Variants in NPAS3 observed in about 807,000 individuals in gnomAD.
NPAS3 encodes neuronal PAS domain-containing protein 3.
NPAS3 carries 14 observed loss-of-function variants against 73.1 expected under a neutral mutation model. The observed-to-expected ratio is 0.19, with a 90% CI of 0.13 to 0.30. The LOEUF (loss-of-function observed/expected upper bound fraction) is 0.30. Among genes scored for constraint, NPAS3 ranks in the 10% least tolerant of loss-of-function variants. The pLI is 1.00. For synonymous variants in NPAS3, 620 were observed against 541.5 expected, an observed-to-expected ratio of 1.14 and a Z score of -2.01; for missense variants, 1,096 against 1,250.0, an observed-to-expected ratio of 0.88 and a Z score of 1.86.
intron 3 of NPAS3, among the ~76,000 whole-genome samples, chr14:33,354,009 G>A (rs1288460928): frequency 6.6e-6 from 1 of 152,078 alleles, no homozygotes; most frequent in Non-Finnish European, 1.5e-5. Context: ...AGTTTGTAGA[G>A]TCAAGTTATA....
At chr14:32,986,944 G>A (rs868463103) in intron 1 of NPAS3, among the ~76,000 whole-genome samples, 42 of 152,150 alleles carry the variant, frequency 2.8e-4, no homozygotes, top group African/African-American at 8.2e-4. Context: ...GCTGCCCCGC[G>A]GTGCTGAGAA....
intron 1 of NPAS3, among the ~76,000 whole-genome samples, chr14:32,995,367 C>T (rs1316416971): frequency 6.6e-6 from 1 of 152,220 alleles, no homozygotes; most frequent in Admixed American, 6.5e-5. Flanking sequence ...CATCATTGTG[C>T]CTACTTCTCT....
chr14:33,457,005 G>A (rs2050051440), intron 4 of NPAS3, among the ~76,000 whole-genome samples: 1 of 152,158 alleles, frequency 6.6e-6, no homozygotes, highest in Non-Finnish European at 1.5e-5. Flanking sequence ...TCCCACAAAA[G>A]CGTTTTATAC....
downstream of NPAS3, chr14:33,801,406 T>C: frequency 2.3e-6 from 1 of 429,652 alleles, no homozygotes; most frequent in Non-Finnish European, 4.2e-6. Context: ...GTCTTTCATG[T>C]GTATATGCCT....
chr14:33,185,264 A>G (rs2045939887), intron 2 of NPAS3, among the ~76,000 whole-genome samples: 1 of 152,112 alleles, frequency 6.6e-6, no homozygotes, highest in Non-Finnish European at 1.5e-5. Flanking sequence ...TTCTTATCCC[A>G]TATTTGTGGC....
At chr14:33,543,464 AT>A (rs2054613148) in intron 4 of NPAS3, among the ~76,000 whole-genome samples, 1 of 152,126 alleles carries the variant, frequency 6.6e-6, no homozygotes, top group African/African-American at 2.4e-5. Context: ...GAGTGTTCAA[AT>A]ACAACTGATT....
At chr14:33,321,403 A>C (rs1111533) in intron 3 of NPAS3, among the ~76,000 whole-genome samples, 17,872 of 151,974 alleles carry the variant, frequency 0.12, 1,510 homozygotes, top group East Asian at 0.34. Context: ...TAACTCCTGA[A>C]ATAACCTGGG....
intron 3 of NPAS3, among the ~76,000 whole-genome samples, chr14:33,297,381 A>G (rs969957818): frequency 2.6e-5 from 4 of 152,190 alleles, no homozygotes; most frequent in African/African-American, 9.6e-5. Flanking sequence ...GGAAACATTT[A>G]TATATACTAT....
At chr14:33,778,685 A>C in intron 9 of NPAS3, 113 bp downstream of exon 9, 2 of 702,700 alleles carry the variant, frequency 2.8e-6, no homozygotes, top group South Asian at 3.3e-5. Context: ...ATTTCAGATG[A>C]CTGTCAGTGT....
intron 2 of NPAS3, among the ~76,000 whole-genome samples, chr14:33,070,829 T>C (rs778028261): frequency 3.3e-5 from 5 of 152,242 alleles, no homozygotes; most frequent in Non-Finnish European, 5.9e-5. Context: ...GCACAAAGAA[T>C]GCTTGAGGGA....
chr14:33,543,999 ATATC>A lies in NPAS3; in HGVS notation c.469-16118_469-16115del, dbSNP rs199685952. On this transcript the variant is annotated intron_variant, in intron 4 of 11. Transcript: ENST00000356141. ...TATATATATATATATATATATATATATATCTATATCAGGAATAGGTGCTGAGGAT... is the reference window on the plus strand; with the variant it reads ...TATATATATATATATATATATATATATATATCAGGAATAGGTGCTGAGGAT... 2.1e-3 allele frequency among the ~76,000 whole-genome samples: 137 copies of A among 64,212 alleles called. 1 individual carries two copies. The highest frequency in any genetic ancestry group is 9.7e-3 in the African/African-American group (128 of 13,154). 42.1% of individuals were successfully genotyped at this position (64,212 alleles called of 152,430 possible).
intron 1 of NPAS3, among the ~76,000 whole-genome samples, chr14:33,045,728 AG>A (rs1162105876): frequency 5.3e-5 from 8 of 152,302 alleles, no homozygotes; most frequent in Middle Eastern, 3.4e-3. Context: ...AGCTAAAAAT[AG>A]TATGGGGTAA....
At chr14:32,996,061 AGGT>A (rs1221318106) in intron 1 of NPAS3, among the ~76,000 whole-genome samples, 1 of 152,212 alleles carries the variant, frequency 6.6e-6, no homozygotes, top group African/African-American at 2.4e-5. Context: ...GTCCAGGCTG[AGGT>A]GGTCTCAAAT....
chr14:33,093,354 C>G (rs544100897), intron 2 of NPAS3, among the ~76,000 whole-genome samples: 1 of 152,150 alleles, frequency 6.6e-6, no homozygotes, highest in Non-Finnish European at 1.5e-5. Flanking sequence ...ATGCAGCCAA[C>G]AGACACATGA....
Position 33,800,714 on chromosome 14 carries a change from C to T in NPAS3, c.2407C>T (p.Leu803Phe), listed in dbSNP as rs781218147. The change falls in exon 12 of 12, where the codon CTC becomes TTC. Residue 803 changes from leucine to phenylalanine, a missense_variant. Physicochemically the swap from Leu to Phe is conservative, Grantham distance 22 (BLOSUM62 0). Around this residue, in one of 5 missense-constraint regions of NPAS3, gnomAD observed 698 missense variants for 676.7 expected, o/e 1.03. Transcript: ENST00000356141. The surrounding 1 kb of genome is among the most constrained non-coding windows in gnomAD (Gnocchi z 6.5). ...GAGGTTGCAGGCGGGCAACGTCGTG[C>T]TCCCGCTGGTGCACAGGGTGACCGG... 2.6e-6 allele frequency: 4 copies of T among 1,549,748 alleles called. No individual in the cohort carries two copies. Among genetic ancestry groups the T allele is most frequent in the African/African-American group, 1.4e-5 (1 of 73,446 alleles).
chr14:32,938,898 G>T (rs1266027784), upstream of NPAS3, among the ~76,000 whole-genome samples: 1 of 143,406 alleles, frequency 7.0e-6, no homozygotes, highest in East Asian at 2.1e-4. Context: ...CTGTCTCCGC[G>T]CCGGGCATGC....
intron 2 of NPAS3, among the ~76,000 whole-genome samples, chr14:33,075,271 A>G (rs1223323406): frequency 6.6e-6 from 1 of 152,238 alleles, no homozygotes; most frequent in African/African-American, 2.4e-5. Flanking sequence ...TCGTCATGTT[A>G]GGTGACTATA....
intron 5 of NPAS3, among the ~76,000 whole-genome samples, chr14:33,642,613 C>T (rs2058704178): frequency 6.6e-6 from 1 of 152,164 alleles, no homozygotes; most frequent in African/African-American, 2.4e-5. Flanking sequence ...TTTAATGCTG[C>T]TGGGGGAAAA....
chr14:33,055,858 T>C (rs1193683999), intron 1 of NPAS3, 47 bp from the exon 2 acceptor site: 1 of 773,372 alleles, frequency 1.3e-6, no homozygotes, highest in South Asian at 1.5e-5. Context: ...TCCAGTTGAC[T>C]GTAGAGAATC....
Sources: gnomAD v4.1 joint callset for allele counts (sites outside exome capture counted in the v4.1 genomes callset) on GRCh38, gnomAD v4.1.1 for gene constraint, gnomAD v4.1.1 regional missense constraint, Gnocchi (gnomAD v3.1) non-coding constraint, MANE v1.5 for transcripts, NCBI Gene and HGNC (gene_info 2026-07-23, HGNC 2026-07-21) for gene names.